Variants in DOCK9 observed in about 807,000 individuals in gnomAD.
DOCK9 encodes the protein dedicator of cytokinesis protein 9.
DOCK9 carries 89 observed loss-of-function variants against 263.3 expected under a neutral mutation model. The ratio of observed to expected loss-of-function variants is 0.34; its 90% CI spans 0.28 to 0.40. The LOEUF is 0.40. Ranked by LOEUF, DOCK9 falls within the 10% of genes least tolerant of loss-of-function variation. The pLI is 1.00. For synonymous variants in DOCK9, 976 were observed against 973.1 expected (o/e 1.00, Z -0.06); for missense variants, 2,140 against 2,603.4 (o/e 0.82, Z 3.87).
intron 39 of DOCK9, 22 bp downstream of exon 39, chr13:98,837,472 C>A (rs1267447073): frequency 1.3e-6 from 2 of 1,555,412 alleles, no homozygotes; most frequent in Admixed American, 3.4e-5. Context: ...ACTAGAACCA[C>A]GAACAGCAAA....
At chr13:98,817,691 T>C (rs1171749145) in intron 45 of DOCK9, among the ~76,000 whole-genome samples, 2 of 149,114 alleles carry the variant, frequency 1.3e-5, no homozygotes, top group African/African-American at 2.5e-5. Context: ...TTAAGTAGCA[T>C]ATAAGTATTG....
chr13:99,030,072 C>T (rs556209368), intron 1 of DOCK9, among the ~76,000 whole-genome samples: 1 of 152,290 alleles, frequency 6.6e-6, no homozygotes, highest in African/African-American at 2.4e-5. Context: ...TCAGAAAAGG[C>T]AAATCTGTAG....
intron 46 of DOCK9, 85 bp downstream of exon 46, chr13:98,810,084 T>A: frequency 6.3e-7 from 1 of 1,575,468 alleles, no homozygotes; most frequent in Non-Finnish European, 8.6e-7. Flanking sequence ...ATGGCCTGCT[T>A]CCTCTCTCAC....
chr13:99,025,764 T>C (rs936681794), intron 1 of DOCK9, among the ~76,000 whole-genome samples: 3 of 152,214 alleles, frequency 2.0e-5, no homozygotes, highest in African/African-American at 4.8e-5. Flanking sequence ...AGCAGCACTG[T>C]TCATAATAAA....
At chr13:99,053,353 T>A (rs769175004) in intron 1 of DOCK9, among the ~76,000 whole-genome samples, 1 of 152,220 alleles carries the variant, frequency 6.6e-6, no homozygotes, top group Non-Finnish European at 1.5e-5. Context: ...TAATTTCCCA[T>A]GCAAATCACG....
At chr13:98,915,286 C>T (rs1395832365) in intron 8 of DOCK9, 43 bp downstream of exon 8, 1 of 1,588,854 alleles carries the variant, frequency 6.3e-7, no homozygotes. Flanking sequence ...ATAAAGACAC[C>T]CACAGAGTGT....
At chr13:99,038,295 T>TCGC (rs1387008734) in intron 1 of DOCK9, among the ~76,000 whole-genome samples, 6,332 of 70,138 alleles carry the variant, frequency 0.09, 643 homozygotes, top group South Asian at 0.26. Flanking sequence ...CCCCTTTTTT[T>TCGC]TTTTTTTTTT....
intron 1 of DOCK9, among the ~76,000 whole-genome samples, chr13:99,038,638 T>TA (rs770511121): frequency 2.6e-5 from 4 of 152,028 alleles, no homozygotes; most frequent in Non-Finnish European, 4.4e-5. Context: ...TAGCTTCTGA[T>TA]AAAAGAGAAA....
At chr13:98,799,959 TCTA>T (rs1439214205) in intron 50 of DOCK9, among the ~76,000 whole-genome samples, 5 of 152,158 alleles carry the variant, frequency 3.3e-5, no homozygotes, top group Non-Finnish European at 5.9e-5. Context: ...TATAGGAAAA[TCTA>T]CTGCTCTCCA....
chr13:98,946,617 A>G (rs1341225540), intron 2 of DOCK9, among the ~76,000 whole-genome samples: 1 of 151,944 alleles, frequency 6.6e-6, no homozygotes, highest in Non-Finnish European at 1.5e-5. Flanking sequence ...AACTCAGACC[A>G]CATTATCCTA....
At chr13:99,085,135 C>T (rs2042277837) in intron 1 of DOCK9, among the ~76,000 whole-genome samples, 2 of 152,214 alleles carry the variant, frequency 1.3e-5, no homozygotes, top group South Asian at 4.1e-4. Flanking sequence ...TCTGTGTCTG[C>T]CCAGGAAGGG....
chr13:98,806,890 C>A (rs1319036964), intron 48 of DOCK9, among the ~76,000 whole-genome samples: 1 of 148,298 alleles, frequency 6.7e-6, no homozygotes. Context: ...GCCCAGGTGA[C>A]AGAGCCAGAC....
chr13:98,794,789 G>A (rs2089141403), intron 52 of DOCK9, 41 bp from the exon 53 acceptor site: 4 of 1,608,848 alleles, frequency 2.5e-6, no homozygotes, highest in Middle Eastern at 1.7e-4. Context: ...GCAACACAAG[G>A]TTACCATATG....
chr13:98,877,457 C>T (rs927450536), intron 27 of DOCK9, among the ~76,000 whole-genome samples: 5 of 152,172 alleles, frequency 3.3e-5, no homozygotes, highest in Non-Finnish European at 7.3e-5. Context: ...CCATCTTTCA[C>T]GTGGTCTTCC....
intron 1 of DOCK9, among the ~76,000 whole-genome samples, chr13:99,038,288 CTTTTTTTTTTTTTTTT>C (rs71419743): frequency 1.0e-4 from 9 of 86,262 alleles, no homozygotes; most frequent in African/African-American, 3.2e-4. Flanking sequence ...TTATGCCCCC[CTTTTTTTTTTTTTTTT>C]TTTTTTTTTT....
chr13:98,979,731 C>A (rs1876651004), upstream of DOCK9, among the ~76,000 whole-genome samples: 1 of 152,110 alleles, frequency 6.6e-6, no homozygotes, highest in South Asian at 2.1e-4. Context: ...TTTTAAAAAT[C>A]TTTCTTTGTA....
chr13:99,022,449 G>A (rs992770894), intron 1 of DOCK9, among the ~76,000 whole-genome samples: 1 of 152,174 alleles, frequency 6.6e-6, no homozygotes, highest in African/African-American at 2.4e-5. Flanking sequence ...ATGTCAGGGT[G>A]GCAAACAGTT....
chr13:98,996,259 C>T (rs148738491), intron 1 of DOCK9, among the ~76,000 whole-genome samples: 120 of 152,244 alleles, frequency 7.9e-4, no homozygotes, highest in African/African-American at 2.7e-3. Flanking sequence ...AAGTGCTGCT[C>T]GTAATTACCA....
intron 9 of DOCK9, among the ~76,000 whole-genome samples, chr13:98,908,885 T>C (rs2049543052): frequency 1.3e-5 from 2 of 152,372 alleles, no homozygotes; most frequent in South Asian, 2.1e-4. Context: ...AAATAAATAC[T>C]TGTAATATGT....
Sources: allele counts gnomAD v4.1 joint callset (sites outside exome capture counted in the v4.1 genomes callset), GRCh38; gene constraint gnomAD v4.1.1; transcripts MANE v1.5; gene names NCBI Gene and HGNC (gene_info 2026-07-23, HGNC 2026-07-21).